Variants in ADH1B observed in about 807,000 individuals in gnomAD.
ADH1B encodes the protein all-trans-retinol dehydrogenase [NAD(+)] ADH1B.
In ADH1B, 29 loss-of-function variants were observed where a neutral mutation model predicts 34.6. The ratio of observed to expected loss-of-function variants is 0.84; its 90% confidence interval spans 0.62 to 1.14. The LOEUF is 1.14. ADH1B is among the 50% of genes most tolerant of loss of function. ADH1B has a pLI of 0.00. For synonymous variants in ADH1B, 170 were observed against 175.5 expected, an observed-to-expected ratio of 0.97 and a Z score of 0.25; for missense variants, 424 against 468.4, an observed-to-expected ratio of 0.91 and a Z score of 0.87.
chr4:99,313,467 G>A (rs1295040041), intron 6 of ADH1B: 2 of 236,744 alleles, frequency 8.4e-6, no homozygotes, highest in Non-Finnish European at 1.6e-5. Flanking sequence ...TGTTAAGAAT[G>A]TAGGAGAAAA....
At chr4:99,311,807 G>C in intron 6 of ADH1B, 151 bp from the exon 7 acceptor site, 1 of 1,219,442 alleles carries the variant, frequency 8.2e-7, no homozygotes, top group Non-Finnish European at 1.1e-6. Context: ...TTTTTTGCAC[G>C]GGATAGTGCT....
At chr4:99,313,633 G>T (rs918628363) in intron 6 of ADH1B, 188 bp downstream of exon 6, 59 of 1,082,352 alleles carry the variant, frequency 5.5e-5, no homozygotes, top group Non-Finnish European at 6.8e-5. Context: ...CTTGAGACAG[G>T]TTTGGGTAAT....
At chr4:99,315,301 A>G (rs559183300) in intron 5 of ADH1B, 1 of 154,738 alleles carries the variant, frequency 6.5e-6, no homozygotes, top group Admixed American at 6.3e-5. Flanking sequence ...GAAATTTACC[A>G]CTTCTGAAGT....
intron 3 of ADH1B, chr4:99,317,397 T>C (rs1203797539): frequency 6.6e-6 from 1 of 152,210 alleles, no homozygotes; most frequent in Admixed American, 6.5e-5. Flanking sequence ...TAATTAGTAA[T>C]CTGTAACCAG....
chr4:99,311,205 ATTG>A (rs1733746300), intron 7 of ADH1B, among the ~76,000 whole-genome samples: 1 of 151,834 alleles, frequency 6.6e-6, no homozygotes, highest in Non-Finnish European at 1.5e-5. Context: ...GATATGAAAT[ATTG>A]TTGTAGATTT....
intron 5 of ADH1B, chr4:99,314,938 G>C (rs1733840614): frequency 6.6e-6 from 1 of 152,170 alleles, no homozygotes; most frequent in Non-Finnish European, 1.5e-5. Flanking sequence ...ATGCTTTCCT[G>C]TCCCAAGTAA....
In ADH1B at chr4:99,308,399, T is replaced by A. The variant is rs1579507179; in HGVS notation, c.1104-535A>T. Among the ~76,000 whole-genome samples, 4 of 147,886 alleles carry A rather than the reference T, an allele frequency of 2.7e-5. No homozygotes were observed. In the Admixed American group the frequency reaches 2.7e-4, roughly 10 times the overall value. On this transcript the variant is annotated intron_variant, in intron 8 of 8. Coordinates refer to ENST00000305046, the MANE Select transcript of ADH1B (RefSeq NM_000668.6). Reference sequence around the variant, plus strand: ...GTTGGGATTCAAACCCAAATACAAATTTGCAAAAATTATAAGATGATGGAT... The same window carrying A: ...GTTGGGATTCAAACCCAAATACAAAATTGCAAAAATTATAAGATGATGGAT...
intron 5 of ADH1B, 78 bp downstream of exon 5, chr4:99,315,819 AT>A: frequency 6.4e-7 from 1 of 1,560,606 alleles, no homozygotes; most frequent in South Asian, 1.1e-5. Context: ...ATAATTTCTG[AT>A]TCTTGCAAGA....
At chr4:99,313,643 T>A in intron 6 of ADH1B, 178 bp downstream of exon 6, 1 of 1,209,722 alleles carries the variant, frequency 8.3e-7, no homozygotes, top group Non-Finnish European at 1.1e-6. Context: ...GTTTGGGTAA[T>A]TGATGGAAGA....
Position 99,307,772 on chromosome 4 carries a change from C to G in ADH1B, c.*68G>C. The G allele has an allele frequency of 6.5e-7, 1 of 1,548,018 alleles. No individual in the cohort carries two copies. Among genetic ancestry groups the G allele is most frequent in the Non-Finnish European group, 8.9e-7 (1 of 1,120,840 alleles). ...GAGCTGAATTAATGATATTTCCTAGCTGTTGCTCCAGATCTTGTAGGGTAG... is the reference window on the plus strand; with the variant it reads ...GAGCTGAATTAATGATATTTCCTAGGTGTTGCTCCAGATCTTGTAGGGTAG... On this transcript the variant is annotated 3_prime_UTR_variant, in exon 9 of 9. Transcript: ENST00000305046.
chr4:99,317,597 C>T (rs541288207), intron 3 of ADH1B: 1 of 155,984 alleles, frequency 6.4e-6, no homozygotes, highest in Non-Finnish European at 1.4e-5. Context: ...CATGTTTATT[C>T]ATCCGTAGCC....
chr4:99,311,369 T>G, intron 7 of ADH1B, 152 bp downstream of exon 7: 2 of 989,864 alleles, frequency 2.0e-6, no homozygotes, highest in Non-Finnish European at 2.9e-6. Flanking sequence ...ATTTGGAGAC[T>G]GTAGATAGAA....
At chr4:99,316,346 A>G (rs778728860) in intron 3 of ADH1B, 44 bp from the exon 4 acceptor site, 3 of 1,570,280 alleles carry the variant, frequency 1.9e-6, no homozygotes, top group Non-Finnish European at 1.8e-6. Context: ...TCTATGCAGT[A>G]ATTAATAGAG....
chr4:99,309,963 C>G (rs768020401), intron 8 of ADH1B, among the ~76,000 whole-genome samples: 2 of 152,020 alleles, frequency 1.3e-5, no homozygotes, highest in Admixed American at 1.3e-4. Context: ...GCCAAAGAAA[C>G]ACTATTTAAA....
In ADH1B at chr4:99,307,703, C is replaced by G; in HGVS notation, c.*137G>C. ...AATAATTTCCCATCAATTTCCATTTCTTTGGAAAGCCCCCATGTGTAATTT... is the reference window on the plus strand; with the variant it reads ...AATAATTTCCCATCAATTTCCATTTGTTTGGAAAGCCCCCATGTGTAATTT... On this transcript the variant is annotated 3_prime_UTR_variant, in exon 9 of 9. Transcript: ENST00000305046. The G allele has an allele frequency of 9.6e-7, 1 of 1,043,792 alleles. No individual in the cohort carries two copies. The highest frequency in any genetic ancestry group is 1.5e-5 in the South Asian group (1 of 66,578). 64.7% of individuals were successfully genotyped at this position (1,043,792 alleles called of 1,614,324 possible). A position where few individuals can be genotyped will look rare whatever the true frequency, so the allele number is the denominator to read the frequency against.
In ADH1B at chr4:99,313,390, G is replaced by T. The variant is rs553650152; in HGVS notation, c.828+431C>A. ...GGCCTAAAATTGCTCATTTCCTTTG[G>T]CCAAATACTAACATGTTAAAAATCT... On this transcript the variant is annotated intron_variant, in intron 6 of 8. Coordinates refer to ENST00000305046, the MANE Select transcript of ADH1B (RefSeq NM_000668.6). 16 of 179,310 alleles carry T rather than the reference G, an allele frequency of 8.9e-5. No homozygotes were observed. In the East Asian group the frequency reaches 2.4e-3, roughly 27 times the overall value. 11.1% of individuals were successfully genotyped at this position (179,310 alleles called of 1,614,324 possible). A position where few individuals can be genotyped will look rare whatever the true frequency, so the allele number is the denominator to read the frequency against.
chr4:99,318,211 A>G, intron 2 of ADH1B, 27 bp from the exon 3 acceptor site: 1 of 1,612,722 alleles, frequency 6.2e-7, no homozygotes, highest in South Asian at 1.1e-5. Flanking sequence ...AGCTGTTCAG[A>G]TTCAGAAAAG....
In ADH1B at chr4:99,316,192, C is replaced by CA. The variant is rs55806158; in HGVS notation, c.347+22dup. On this transcript the variant is annotated intron_variant, in intron 4 of 8. Coordinates refer to ENST00000305046, the MANE Select transcript of ADH1B (RefSeq NM_000668.6). ...GTAATGTGCAAACTCAAAGTCTGTG[C>CA]AAAGAGAGCATCAGAAACCTACTCA... 229 of 1,613,918 alleles carry CA rather than the reference C, an allele frequency of 1.4e-4. 2 individuals are homozygous for CA. Among genetic ancestry groups the CA allele is most frequent in the Admixed American group, 1.0e-3 (63 of 60,000 alleles).
At chr4:99,321,162 A>G (rs1734016385) in intron 1 of ADH1B, 152 bp downstream of exon 1, 1 of 660,680 alleles carries the variant, frequency 1.5e-6, no homozygotes, top group Non-Finnish European at 2.5e-6. Flanking sequence ...AGTTCAGTAT[A>G]CATTACATAT....
Sources: gnomAD v4.1 joint callset for allele counts (sites outside exome capture counted in the v4.1 genomes callset) on GRCh38, gnomAD v4.1.1 for gene constraint, MANE v1.5 for transcripts, NCBI Gene and HGNC (gene_info 2026-07-23, HGNC 2026-07-21) for gene names.